The following PLXDC2 variants were observed in gnomAD, a reference collection of about 807,000 sequenced individuals.
PLXDC2 encodes plexin domain containing 2, also known as plexin domain-containing protein 2.
A neutral mutation model predicts 68.9 loss-of-function variants in PLXDC2; 40 were observed. The observed-to-expected ratio is 0.58, with a 90% CI of 0.45 to 0.76. The LOEUF (loss-of-function observed/expected upper bound fraction) is 0.76, where lower values mean the gene tolerates loss of function less well. Ranked by LOEUF, PLXDC2 falls within the 30% of genes least tolerant of loss-of-function variation. PLXDC2 has a pLI of 0.00. For missense variants in PLXDC2, 644 were observed against 661.9 expected (o/e 0.97, Z 0.30); for synonymous variants, 243 against 234.2 (o/e 1.04, Z -0.34).
At chr10:20,191,653 T>C (rs1358802439) in intron 9 of PLXDC2, among the ~76,000 whole-genome samples, 1 of 146,946 alleles carries the variant, frequency 6.8e-6, no homozygotes, top group Admixed American at 6.8e-5. Context: ...GTTCTCATTG[T>C]TGTGGGGTGG....
chr10:20,250,519 A>G (rs901629620), intron 13 of PLXDC2, among the ~76,000 whole-genome samples: 3 of 152,190 alleles, frequency 2.0e-5, no homozygotes, highest in Non-Finnish European at 4.4e-5. Context: ...TCTTCATCTC[A>G]TAGACGAGGA....
intron 6 of PLXDC2, among the ~76,000 whole-genome samples, chr10:20,155,412 T>C (rs1420691299): frequency 2.0e-5 from 3 of 152,164 alleles, no homozygotes; most frequent in Non-Finnish European, 4.4e-5. Context: ...GAATACTTGA[T>C]GTGTGAATAT....
At chr10:20,252,344 T>C (rs1307254057) in intron 13 of PLXDC2, among the ~76,000 whole-genome samples, 2 of 152,240 alleles carry the variant, frequency 1.3e-5, no homozygotes, top group Non-Finnish European at 2.9e-5. Context: ...ATAATTTCTG[T>C]ATAATTACAT....
intron 4 of PLXDC2, among the ~76,000 whole-genome samples, chr10:20,110,029 A>C (rs1361723241): frequency 6.6e-6 from 1 of 152,240 alleles, no homozygotes; most frequent in African/African-American, 2.4e-5. Flanking sequence ...CAAAAAATAT[A>C]TATGTAGGCA....
chr10:19,888,034 C>T (rs11011658), intron 1 of PLXDC2, among the ~76,000 whole-genome samples: 14,350 of 152,210 alleles, frequency 0.094, 900 homozygotes, highest in South Asian at 0.23. Flanking sequence ...ACACGCCTAT[C>T]ACTCCACTTC....
intron 1 of PLXDC2, among the ~76,000 whole-genome samples, chr10:19,820,591 G>A (rs1318271135): frequency 2.0e-5 from 3 of 147,036 alleles, no homozygotes; most frequent in African/African-American, 7.6e-5. Flanking sequence ...CCGAGATTGC[G>A]CCACTGCAGT....
At chr10:20,247,189 G>A (rs1835608201) in intron 13 of PLXDC2, among the ~76,000 whole-genome samples, 1 of 151,388 alleles carries the variant, frequency 6.6e-6, no homozygotes, top group Admixed American at 6.6e-5. Context: ...GTGAGGTATG[G>A]TGACTCACAT....
intron 1 of PLXDC2, among the ~76,000 whole-genome samples, chr10:19,972,009 A>G (rs1834363255): frequency 6.6e-6 from 1 of 152,100 alleles, no homozygotes; most frequent in Non-Finnish European, 1.5e-5. Context: ...AGAGGGAGGA[A>G]GGTCCAGTAA....
chr10:19,956,077 T>TA (rs932012948), intron 1 of PLXDC2, among the ~76,000 whole-genome samples: 11 of 149,920 alleles, frequency 7.3e-5, no homozygotes, highest in African/African-American at 9.8e-5. Flanking sequence ...GAAACTCCAT[T>TA]AAAAAAAAAA....
rs116228879 is a variant in PLXDC2 at position 20,259,233 on chromosome 10, A to G, written c.1473+13728A>G. ...TTTTTCTTTTTAATGAAAGGTGGGT[A>G]TAATAGTAAAATATTTTAAAACGTT... On this transcript the variant is annotated intron_variant, in intron 13 of 13. Coordinates refer to ENST00000377252, the MANE Select transcript of PLXDC2 (RefSeq NM_032812.9). Among the ~76,000 whole-genome samples, 706 of 152,268 alleles carry G rather than the reference A, an allele frequency of 4.6e-3. 9 individuals are homozygous for G. Among genetic ancestry groups the G allele is most frequent in the African/African-American group, 0.014 (578 of 41,558 alleles).
chr10:19,984,025 G>A (rs781182469), intron 1 of PLXDC2, among the ~76,000 whole-genome samples: 1 of 152,148 alleles, frequency 6.6e-6, no homozygotes, highest in African/African-American at 2.4e-5. Context: ...TTGGTCCAGC[G>A]GTTTTCCATA....
In PLXDC2 at chr10:20,259,007, C is replaced by CA. The variant is rs59615493; in HGVS notation, c.1473+13517dup. Among the ~76,000 whole-genome samples the CA allele has an allele frequency of 8.5e-3, 868 of 101,974 alleles. 13 individuals carry two copies. Among genetic ancestry groups the CA allele is most frequent in the African/African-American group, 0.02 (578 of 28,970 alleles). The allele number at this position is 101,974 out of a possible 152,430, so 66.9% of individuals were successfully genotyped here. A position where few individuals can be genotyped will look rare whatever the true frequency, so the allele number is the denominator to read the frequency against. ...TGGGCGACAGAGCGATACTCCGTCT[C>CA]AAAAAAAAAAAAAAAGAAAAGAAAG... On this transcript the variant is annotated intron_variant, in intron 13 of 13. Transcript: ENST00000377252.
intron 1 of PLXDC2, among the ~76,000 whole-genome samples, chr10:19,968,403 C>T (rs1834299760): frequency 6.6e-6 from 1 of 152,168 alleles, no homozygotes; most frequent in Non-Finnish European, 1.5e-5. Context: ...ACCTCCGCCT[C>T]CCAGGTTCAA....
At chr10:20,114,144 A>G (rs1833593744) in intron 4 of PLXDC2, among the ~76,000 whole-genome samples, 1 of 152,190 alleles carries the variant, frequency 6.6e-6, no homozygotes, top group South Asian at 2.1e-4. Flanking sequence ...AAAATAAAAC[A>G]GAAAACAATT....
chr10:20,030,827 G>A (rs887726852), intron 2 of PLXDC2, among the ~76,000 whole-genome samples: 2 of 152,156 alleles, frequency 1.3e-5, no homozygotes, highest in African/African-American at 4.8e-5. Context: ...CCCCTTATCA[G>A]CCAATGGCCA....
chr10:20,084,932 G>C (rs921880543), intron 4 of PLXDC2, among the ~76,000 whole-genome samples: 1 of 151,264 alleles, frequency 6.6e-6, no homozygotes, highest in Non-Finnish European at 1.5e-5. Context: ...TATCCCTATC[G>C]AGAAAGCTGT....
At chr10:20,013,246 G>T (rs754633306) in intron 2 of PLXDC2, among the ~76,000 whole-genome samples, 4 of 152,050 alleles carry the variant, frequency 2.6e-5, no homozygotes, top group Non-Finnish European at 5.9e-5. Context: ...AATTCACAGT[G>T]TGGTTCCCAT....
chr10:19,944,689 G>A (rs990632367), intron 1 of PLXDC2, among the ~76,000 whole-genome samples: 1 of 152,154 alleles, frequency 6.6e-6, no homozygotes, highest in East Asian at 1.9e-4. Context: ...GGTGGCTCAC[G>A]CCTGTAATCC....
chr10:20,123,325 A>G (rs544489728), intron 4 of PLXDC2, among the ~76,000 whole-genome samples: 1 of 152,142 alleles, frequency 6.6e-6, no homozygotes, highest in East Asian at 1.9e-4. Context: ...GGAAAGAAGG[A>G]AGATTTGGGA....
Sources: allele counts gnomAD v4.1 joint callset (sites outside exome capture counted in the v4.1 genomes callset), GRCh38; gene constraint gnomAD v4.1.1; transcripts MANE v1.5; gene names NCBI Gene and HGNC (gene_info 2026-07-23, HGNC 2026-07-21).